The following MYCBPAP variants were observed in gnomAD, a reference collection of about 807,000 sequenced individuals.
The protein encoded by MYCBPAP is MYCBP-associated protein.
In MYCBPAP, 60 loss-of-function variants were observed where a neutral mutation model predicts 106.1. The ratio of observed to expected loss-of-function variants is 0.57; its 90% CI spans 0.46 to 0.70. The LOEUF (loss-of-function observed/expected upper bound fraction) is 0.70. Among genes scored for constraint, MYCBPAP ranks in the 30% least tolerant of loss-of-function variants. MYCBPAP has a pLI of 0.00. For missense variants in MYCBPAP, 1,064 were observed against 1,169.3 expected (o/e 0.91, Z 1.31); for synonymous variants, 407 against 440.6 (o/e 0.92, Z 0.95).
chr17:50,512,971 C>CT (rs1415767974), intron 1 of MYCBPAP, among the ~76,000 whole-genome samples: 10 of 152,048 alleles, frequency 6.6e-5, no homozygotes, highest in African/African-American at 2.4e-4. Flanking sequence ...AATCCCAGGA[C>CT]TTTGGGAGGC....
At chr17:50,515,199 C>T (rs1275501948) in intron 1 of MYCBPAP, among the ~76,000 whole-genome samples, 1 of 134,596 alleles carries the variant, frequency 7.4e-6, no homozygotes, top group African/African-American at 3.5e-5. Context: ...CTTAGGAAGC[C>T]CTCCCTGACT....
chr17:50,518,783 G>A, intron 5 of MYCBPAP, 59 bp downstream of exon 5: 2 of 1,552,294 alleles, frequency 1.3e-6, no homozygotes, highest in Non-Finnish European at 8.7e-7. Flanking sequence ...GCTCTGCTGG[G>A]TTGTTTGCTC....
Position 50,531,459 on chromosome 17 carries a change from G to A in MYCBPAP, c.*31G>A, listed in dbSNP as rs769035793. The A allele has an allele frequency of 4.6e-6, 7 of 1,520,330 alleles. No individual in the cohort carries two copies. Among genetic ancestry groups the A allele is most frequent in the East Asian group, 4.6e-5 (2 of 43,206 alleles). 94.2% of individuals were successfully genotyped at this position (1,520,330 alleles called of 1,614,324 possible). ...GGGCCCAAGCAACCTTCTGGAAAAC[G>A]GGTTAATAAATAAATCAATAAAGAA... On this transcript the variant is annotated 3_prime_UTR_variant, in exon 19 of 19. Transcript: ENST00000323776.
intron 18 of MYCBPAP, 71 bp from the exon 19 acceptor site, chr17:50,531,256 C>A: frequency 4.4e-6 from 4 of 912,926 alleles, no homozygotes; most frequent in South Asian, 3.8e-5. Context: ...GCTATTCTCT[C>A]ACAGCATAGT....
intron 13 of MYCBPAP, 76 bp downstream of exon 13, chr17:50,525,099 G>A (rs760241621): frequency 2.3e-5 from 35 of 1,534,822 alleles, no homozygotes; most frequent in Middle Eastern, 3.8e-4. Flanking sequence ...GCCGCACAGC[G>A]GCAGGTGAGC....
At chr17:50,508,927 C>G (rs2033718753) in intron 1 of MYCBPAP, 177 bp downstream of exon 1, 2 of 725,674 alleles carry the variant, frequency 2.8e-6, no homozygotes, top group Non-Finnish European at 5.0e-6. Flanking sequence ...GCAGGAAGAG[C>G]CTACAGCGCA....
At chr17:50,517,727 G>C in intron 4 of MYCBPAP, 29 bp downstream of exon 4, 2 of 1,592,044 alleles carry the variant, frequency 1.3e-6, no homozygotes, top group East Asian at 2.2e-5. Flanking sequence ...ACCCGGATGA[G>C]AGCAGTCACT....
intron 4 of MYCBPAP, 139 bp downstream of exon 4, chr17:50,517,837 C>T (rs56134783): frequency 0.14 from 95,265 of 681,726 alleles, 9,737 homozygotes; most frequent in African/African-American, 0.42. Flanking sequence ...AAGGGACCCT[C>T]TCCCAGAATA....
chr17:50,529,191 G>A lies in MYCBPAP; in HGVS notation c.2724+3G>A. The A allele has an allele frequency of 6.2e-7, 1 of 1,609,452 alleles. No individual in the cohort carries two copies. The highest frequency in any genetic ancestry group is 8.5e-7 in the Non-Finnish European group (1 of 1,179,076). The stretch of plus-strand genomic sequence containing the variant: ...ACACCCAGAGCCTGCACAGTGAGGT[G>A]AAGGGAAGCGCCCAGCAGCCATTCC... On this transcript the variant is annotated splice_donor_region_variant and intron_variant, in intron 18 of 18. Coordinates refer to ENST00000323776, the MANE Select transcript of MYCBPAP (RefSeq NM_032133.6).
intron 15 of MYCBPAP, 76 bp from the exon 16 acceptor site, chr17:50,528,079 G>A: frequency 8.0e-7 from 1 of 1,251,094 alleles, no homozygotes; most frequent in Non-Finnish European, 1.1e-6. Flanking sequence ...GTCTTTGAAG[G>A]GAGGGACCCA....
In MYCBPAP at chr17:50,518,731, A is replaced by C; in HGVS notation, c.652+7A>C. 2 of 1,564,180 alleles carry C rather than the reference A, an allele frequency of 1.3e-6. No homozygotes were observed. Among genetic ancestry groups the C allele is most frequent in the South Asian group, 2.4e-5 (2 of 83,060 alleles). On this transcript the variant is annotated splice_region_variant and intron_variant, in intron 5 of 18. Coordinates refer to ENST00000323776, the MANE Select transcript of MYCBPAP (RefSeq NM_032133.6). ...CAGCAGGAAGCCCTCAGCGGTGAGCAGAGCAGACAGGGCTCCCGCCCGGCC... is the reference window on the plus strand; with the variant it reads ...CAGCAGGAAGCCCTCAGCGGTGAGCCGAGCAGACAGGGCTCCCGCCCGGCC...
intron 12 of MYCBPAP, among the ~76,000 whole-genome samples, chr17:50,524,646 T>C (rs971129158): frequency 6.6e-6 from 1 of 152,030 alleles, no homozygotes; most frequent in Admixed American, 6.6e-5. Flanking sequence ...CTGGATCCTT[T>C]TCATCCATTT....
intron 12 of MYCBPAP, 140 bp from the exon 13 acceptor site, chr17:50,524,737 T>TGAGAGAGAGAGAGAGAGAGAGAGA (rs3840067): frequency 2.9e-6 from 1 of 342,940 alleles, no homozygotes; most frequent in African/African-American, 2.6e-5. Flanking sequence ...TGTGTGTGTG[T>TGAGAGAGAGAGAGAGAGAGAGAGA]GAGAGAGAGA....
At chr17:50,511,918 C>T (rs2033863652) in intron 1 of MYCBPAP, among the ~76,000 whole-genome samples, 1 of 152,136 alleles carries the variant, frequency 6.6e-6, no homozygotes, top group Non-Finnish European at 1.5e-5. Flanking sequence ...ATGAATCATT[C>T]TGAAATGCAC....
chr17:50,520,554 C>T (rs577893485), intron 7 of MYCBPAP, among the ~76,000 whole-genome samples: 11 of 152,216 alleles, frequency 7.2e-5, no homozygotes, highest in African/African-American at 2.6e-4. Flanking sequence ...AACTATATTA[C>T]TAAAATGAAT....
At position 50,524,942 on chromosome 17, in the gene MYCBPAP, G is replaced by T. The variant is rs745949959; in HGVS notation, c.1701G>T (p.Gly567=). The change falls in exon 13 of 19, where the codon GGG becomes GGT. Residue 567 remains glycine, a synonymous_variant. Coordinates refer to ENST00000323776, the MANE Select transcript of MYCBPAP (RefSeq NM_032133.6). ...VREVLQELLM[G]VLTPERTPSP... is the part of the protein sequence containing the mutation. ...AAGTGCTGCAGGAGCTGCTGATGGG[G>T]GTCTTGACCCCGGAGCGCACACCAT... 6.2e-7 allele frequency: 1 copy of T among 1,614,040 alleles called. No homozygotes were observed. Among genetic ancestry groups the T allele is most frequent in the Admixed American group, 1.7e-5 (1 of 60,032 alleles).
At position 50,508,524 on chromosome 17, in the gene MYCBPAP, C is replaced by T; in HGVS notation, c.-151C>T. On this transcript the variant is annotated 5_prime_UTR_variant, in exon 1 of 19. Coordinates refer to ENST00000323776, the MANE Select transcript of MYCBPAP (RefSeq NM_032133.6). ...ATGAAGAAGGAGGTTTCCAAGCCGTCTCCGCCCAAGTTGATCGGTGGATGC... is the reference window on the plus strand; with the variant it reads ...ATGAAGAAGGAGGTTTCCAAGCCGTTTCCGCCCAAGTTGATCGGTGGATGC... The T allele has an allele frequency of 3.9e-6, 6 of 1,535,806 alleles. No homozygotes were observed. Among genetic ancestry groups the T allele is most frequent in the Non-Finnish European group, 5.2e-6 (6 of 1,143,132 alleles).
chr17:50,517,778 C>T, intron 4 of MYCBPAP, 80 bp downstream of exon 4: 1 of 1,212,414 alleles, frequency 8.2e-7, no homozygotes, highest in Non-Finnish European at 1.2e-6. Flanking sequence ...TCAAGCAGGG[C>T]TGGGGTTAAA....
In MYCBPAP at chr17:50,516,638, A is replaced by G. The variant is rs1348286496; in HGVS notation, c.145A>G (p.Asn49Asp). ...TIQEEPEPVSNVLQGDDILAL... is the reference protein window; with the variant it reads ...TIQEEPEPVSDVLQGDDILAL... ...TCAGGAAGAGCCTGAACCTGTTAGCAATGTCCTACAAGGAGATGACATTCT... is the reference window on the plus strand; with the variant it reads ...TCAGGAAGAGCCTGAACCTGTTAGCGATGTCCTACAAGGAGATGACATTCT... The change falls in exon 2 of 19, where the codon AAT (asparagine) becomes GAT (aspartate). Residue 49 changes from asparagine (N) to aspartate (D), a missense_variant. Asn to Asp is a conservative substitution (Grantham distance 23). Coordinates refer to ENST00000323776, the MANE Select transcript of MYCBPAP (RefSeq NM_032133.6). The G allele has an allele frequency of 1.2e-6, 2 of 1,614,206 alleles. No homozygotes were observed. The highest frequency in any genetic ancestry group is 1.7e-5 in the Admixed American group (1 of 60,034).
Sources: gnomAD v4.1 joint callset for allele counts (sites outside exome capture counted in the v4.1 genomes callset) on GRCh38, gnomAD v4.1.1 for gene constraint, MANE v1.5 for transcripts, NCBI Gene and HGNC (gene_info 2026-07-23, HGNC 2026-07-21) for gene names.